The following PTPRZ1 variants were observed in gnomAD, a reference collection of about 807,000 sequenced individuals.
PTPRZ1 encodes the protein protein tyrosine phosphatase receptor type Z1, also known as receptor-type tyrosine-protein phosphatase zeta.
In PTPRZ1, 82 loss-of-function variants were observed where a neutral mutation model predicts 214.1. That is an observed-to-expected ratio of 0.38 (90% CI 0.32 to 0.46). The LOEUF (loss-of-function observed/expected upper bound fraction) is 0.46. Among genes scored for constraint, PTPRZ1 ranks in the 20% least tolerant of loss-of-function variants. The probability of loss-of-function intolerance (pLI) is 1.00; values close to 1 mark genes in which losing one functional copy is unlikely to be tolerated. For synonymous variants in PTPRZ1, 945 were observed against 987.9 expected, an observed-to-expected ratio of 0.96 and a Z score of 0.81; for missense variants, 2,603 against 2,748.7, an observed-to-expected ratio of 0.95 and a Z score of 1.19.
intron 2 of PTPRZ1, among the ~76,000 whole-genome samples, chr7:121,965,394 G>GT (rs1797017291): frequency 6.6e-6 from 1 of 151,980 alleles, no homozygotes; most frequent in African/African-American, 2.4e-5. Context: ...CTGGTTGGGT[G>GT]TTTTTTGTTT....
At chr7:121,984,539 T>A (rs1326981076) in intron 8 of PTPRZ1, among the ~76,000 whole-genome samples, 2 of 152,132 alleles carry the variant, frequency 1.3e-5, no homozygotes, top group Non-Finnish European at 2.9e-5. Context: ...AGGAAAACTT[T>A]ATGGGAGAAC....
intron 28 of PTPRZ1, among the ~76,000 whole-genome samples, 198 bp downstream of exon 28, chr7:122,059,140 G>A (rs990142211): frequency 6.6e-6 from 1 of 151,662 alleles, no homozygotes; most frequent in African/African-American, 2.4e-5. Flanking sequence ...GTTGAAGACA[G>A]AGAATGGGGT....
chr7:122,031,379 A>C (rs1052090294), intron 14 of PTPRZ1, 95 bp from the exon 15 acceptor site: 2 of 841,196 alleles, frequency 2.4e-6, no homozygotes, highest in Non-Finnish European at 3.9e-6. Flanking sequence ...AATTATACAA[A>C]TAATTGAAGT....
At chr7:122,031,355 T>G in intron 14 of PTPRZ1, 119 bp from the exon 15 acceptor site, 2 of 691,252 alleles carry the variant, frequency 2.9e-6, no homozygotes, top group African/African-American at 1.9e-5. Context: ...AATTGAATGC[T>G]GAGATTTAGT....
intron 1 of PTPRZ1, among the ~76,000 whole-genome samples, chr7:121,880,887 A>G (rs1240083381): frequency 2.0e-5 from 3 of 152,172 alleles, no homozygotes; most frequent in Non-Finnish European, 4.4e-5. Context: ...GCATAAGGAT[A>G]CCCTTGAGGA....
intron 18 of PTPRZ1, 67 bp from the exon 19 acceptor site, chr7:122,038,688 G>A: frequency 2.1e-6 from 3 of 1,438,324 alleles, no homozygotes; most frequent in South Asian, 2.9e-5. Context: ...TAAAAACTTA[G>A]GCATTGTACA....
At chr7:121,997,807 TA>T in intron 9 of PTPRZ1, 72 bp from the exon 10 acceptor site, 1 of 1,376,338 alleles carries the variant, frequency 7.3e-7, no homozygotes, top group East Asian at 2.5e-5. Flanking sequence ...AAAAGTTTTC[TA>T]GGAAAGATAC....
chr7:121,908,404 T>G, intron 1 of PTPRZ1: 1 of 372,382 alleles, frequency 2.7e-6, no homozygotes, highest in Non-Finnish European at 5.1e-6. Flanking sequence ...TTTCTTAATT[T>G]TATCCTATTT....
intron 2 of PTPRZ1, among the ~76,000 whole-genome samples, chr7:121,950,322 C>A (rs1334752893): frequency 2.6e-5 from 4 of 152,296 alleles, no homozygotes; most frequent in South Asian, 2.1e-4. Flanking sequence ...GGGACACAGA[C>A]AAACCATGTC....
At chr7:121,903,987 C>A (rs1795046484) in intron 1 of PTPRZ1, among the ~76,000 whole-genome samples, 1 of 151,972 alleles carries the variant, frequency 6.6e-6, no homozygotes, top group Non-Finnish European at 1.5e-5. Flanking sequence ...CACACACACA[C>A]ACACACACAC....
At chr7:121,913,120 A>G (rs896597932) in intron 1 of PTPRZ1, among the ~76,000 whole-genome samples, 1 of 152,174 alleles carries the variant, frequency 6.6e-6, no homozygotes, top group African/African-American at 2.4e-5. Context: ...TTACTCAATT[A>G]TAATTGTGAG....
intron 25 of PTPRZ1, among the ~76,000 whole-genome samples, chr7:122,052,699 T>G (rs2150490262): frequency 6.6e-6 from 1 of 152,272 alleles, no homozygotes; most frequent in East Asian, 1.9e-4. Flanking sequence ...ACAGTATAAA[T>G]ATCACAGTTA....
intron 1 of PTPRZ1, among the ~76,000 whole-genome samples, chr7:121,901,346 TAA>T: frequency 6.6e-6 from 1 of 152,294 alleles, no homozygotes; most frequent in Non-Finnish European, 1.5e-5. Flanking sequence ...CAGATTTAGG[TAA>T]ATATTATTGC....
chr7:122,029,222 A>G (rs547278026), intron 14 of PTPRZ1, among the ~76,000 whole-genome samples: 1 of 152,094 alleles, frequency 6.6e-6, no homozygotes, highest in African/African-American at 2.4e-5. Context: ...TGAACAGTTG[A>G]ATATTTGGGA....
chr7:121,873,488 G>T lies in PTPRZ1; in HGVS notation c.-12G>T. The stretch of plus-strand genomic sequence containing the variant: ...AGGAGCCGCACGGCGAGGGGCCGCA[G>T]ACCGTCTGGAAATGCGAATCCTAAA... On this transcript the variant is annotated 5_prime_UTR_variant, in exon 1 of 30. Coordinates refer to ENST00000393386, the MANE Select transcript of PTPRZ1 (RefSeq NM_002851.3). The T allele has an allele frequency of 6.2e-6, 10 of 1,613,728 alleles. No individual in the cohort carries two copies. Among genetic ancestry groups the T allele is most frequent in the South Asian group, 1.1e-5 (1 of 91,026 alleles).
intron 23 of PTPRZ1, among the ~76,000 whole-genome samples, chr7:122,047,113 C>T (rs1350124810): frequency 6.6e-6 from 1 of 152,062 alleles, no homozygotes; most frequent in African/African-American, 2.4e-5. Context: ...GTGCTAATGA[C>T]AAATCAAGTA....
intron 17 of PTPRZ1, among the ~76,000 whole-genome samples, chr7:122,034,687 C>G (rs1434395239): frequency 6.6e-6 from 1 of 152,100 alleles, no homozygotes; most frequent in Non-Finnish European, 1.5e-5. Context: ...ATTTATATGA[C>G]TTGGTCCTAT....
At chr7:121,985,642 A>G (rs914900956) in intron 8 of PTPRZ1, among the ~76,000 whole-genome samples, 1 of 152,182 alleles carries the variant, frequency 6.6e-6, no homozygotes, top group Non-Finnish European at 1.5e-5. Flanking sequence ...TCATTCTTCA[A>G]GACTCAAGTT....
In PTPRZ1 at chr7:122,059,841, G is replaced by A. The variant is rs1396884504; in HGVS notation, c.6760G>A (p.Val2254Ile). Residue 2254 changes from valine to isoleucine, a missense_variant, in exon 29 of 30, where the codon GTA (valine) becomes ATA (isoleucine). This residue lies in a region of PTPRZ1 where 165 missense variants were observed against 151.4 expected (regional missense o/e 1.09). Transcript: ENST00000393386. The stretch of plus-strand genomic sequence containing the variant: ...AGAAAATTCCGTGGATGTTTACCAG[G>A]TAGCCAAGATGATCAATCTGATGAG... ...EKENSVDVYQVAKMINLMRPG... is the reference protein window; with the variant it reads ...EKENSVDVYQIAKMINLMRPG... 2 of 1,613,620 alleles carry A rather than the reference G, an allele frequency of 1.2e-6. No individual in the cohort carries two copies. Among genetic ancestry groups the A allele is most frequent in the Non-Finnish European group, 1.7e-6 (2 of 1,179,786 alleles).
Sources: allele counts gnomAD v4.1 joint callset (sites outside exome capture counted in the v4.1 genomes callset), GRCh38; gene constraint gnomAD v4.1.1; regional missense constraint gnomAD v4.1.1; transcripts MANE v1.5; gene names NCBI Gene and HGNC (gene_info 2026-07-23, HGNC 2026-07-21).